TMEM245: variants seen among roughly 807,000 people sequenced by gnomAD.
TMEM245 encodes the protein protein CG-2.
In TMEM245, 69 loss-of-function variants were observed where a neutral mutation model predicts 101.2. That is an observed-to-expected ratio of 0.68 (90% CI 0.56 to 0.83). The LOEUF is 0.83. Ranked by LOEUF, TMEM245 falls within the 40% of genes least tolerant of loss-of-function variation. TMEM245 has a pLI of 0.00. For synonymous variants in TMEM245, 537 were observed against 449.8 expected, an observed-to-expected ratio of 1.19 and a Z score of -2.45; for missense variants, 1,075 against 1,092.8, an observed-to-expected ratio of 0.98 and a Z score of 0.23.
chr9:109,041,928 C>T (rs1460344172), intron 14 of TMEM245, among the ~76,000 whole-genome samples: 1 of 152,004 alleles, frequency 6.6e-6, no homozygotes, highest in Non-Finnish European at 1.5e-5. Context: ...CCCAGGAGTT[C>T]AAGACCAACC....
chr9:109,108,957 G>GA (rs904839912), intron 1 of TMEM245, among the ~76,000 whole-genome samples: 14 of 151,786 alleles, frequency 9.2e-5, no homozygotes, highest in African/African-American at 3.1e-4. Context: ...GGAAAGAAAA[G>GA]AAAAAAACAA....
At chr9:109,058,481 T>C (rs1828913403) in intron 11 of TMEM245, among the ~76,000 whole-genome samples, 1 of 152,104 alleles carries the variant, frequency 6.6e-6, no homozygotes, top group African/African-American at 2.4e-5. Context: ...TCTGTAATCC[T>C]ACCACTTTGG....
intron 8 of TMEM245, among the ~76,000 whole-genome samples, chr9:109,080,332 T>C (rs541604879): frequency 7.2e-5 from 11 of 151,884 alleles, no homozygotes; most frequent in African/African-American, 2.4e-4. Context: ...ACATTTTAGG[T>C]GTTCTTTAGA....
At chr9:109,029,045 G>A (rs78150522) in intron 17 of TMEM245, among the ~76,000 whole-genome samples, 268 of 152,116 alleles carry the variant, frequency 1.8e-3, no homozygotes, top group African/African-American at 6.2e-3. Context: ...CGCTAAAAAG[G>A]TACATTTTAC....
intron 10 of TMEM245, among the ~76,000 whole-genome samples, chr9:109,063,240 C>T (rs866573732): frequency 2.0e-5 from 3 of 151,804 alleles, no homozygotes; most frequent in Non-Finnish European, 2.9e-5. Flanking sequence ...CTGCCTCAGC[C>T]TCCTGAGTAG....
chr9:109,102,823 G>A (rs747458111), intron 3 of TMEM245, among the ~76,000 whole-genome samples: 3 of 152,084 alleles, frequency 2.0e-5, no homozygotes, highest in African/African-American at 4.8e-5. Context: ...GTTTATTATC[G>A]CCATCAGAAA....
chr9:109,093,398 C>A, intron 4 of TMEM245, 77 bp downstream of exon 4: 1 of 1,200,076 alleles, frequency 8.3e-7, no homozygotes, highest in Non-Finnish European at 1.2e-6. Flanking sequence ...TTTTGTGATG[C>A]TGGTGTCCTG....
At chr9:109,057,913 AGC>A (rs1828888669) in intron 11 of TMEM245, among the ~76,000 whole-genome samples, 1 of 146,052 alleles carries the variant, frequency 6.8e-6, no homozygotes, top group Non-Finnish European at 1.5e-5. Context: ...CACACTAAAC[AGC>A]ATTTACTTTC....
At chr9:109,060,201 C>A (rs1424256756) in intron 11 of TMEM245, among the ~76,000 whole-genome samples, 153 bp downstream of exon 11, 1 of 152,200 alleles carries the variant, frequency 6.6e-6, no homozygotes, top group Non-Finnish European at 1.5e-5. Context: ...ACCATCAACT[C>A]ACACTGACTT....
chr9:109,021,819 C>G (rs945419149), intron 17 of TMEM245, among the ~76,000 whole-genome samples: 3 of 151,754 alleles, frequency 2.0e-5, no homozygotes, highest in East Asian at 1.9e-4. Context: ...ACCACCCCCC[C>G]AAAAAAAGCA....
chr9:109,047,888 G>A (rs1828546989), intron 14 of TMEM245, among the ~76,000 whole-genome samples: 1 of 152,172 alleles, frequency 6.6e-6, no homozygotes, highest in Admixed American at 6.5e-5. Flanking sequence ...ACCCCACTGG[G>A]AAGATAAAAG....
chr9:109,085,808 G>A (rs1829815904), intron 7 of TMEM245, among the ~76,000 whole-genome samples, 189 bp downstream of exon 7: 1 of 152,316 alleles, frequency 6.6e-6, no homozygotes, highest in East Asian at 1.9e-4. Flanking sequence ...ATCCTAGACA[G>A]CCTTTGCTGA....
At position 109,108,432 on chromosome 9, in the gene TMEM245, AAAAAAAAAG is replaced by A. The variant is rs1405890764; in HGVS notation, c.697+12_697+20del. The stretch of plus-strand genomic sequence containing the variant: ...CTTAGGCTAGACTTAAAAAAAAAAA[AAAAAAAAAG>A]AAGGAACCCACCTAAATGAAAAAGC... On this transcript the variant is annotated intron_variant, in intron 2 of 17. Coordinates refer to ENST00000374586, the MANE Select transcript of TMEM245 (RefSeq NM_032012.4). The A allele has an allele frequency of 4.3e-6, 6 of 1,401,134 alleles. No individual in the cohort carries two copies. The highest frequency in any genetic ancestry group is 2.9e-5 in the African/African-American group (2 of 68,438). The allele number at this position is 1,401,134 out of a possible 1,614,324, so 86.8% of individuals were successfully genotyped here. A position where few individuals can be genotyped will look rare whatever the true frequency, so the allele number is the denominator to read the frequency against.
At chr9:109,090,895 C>G (rs761855285) in intron 5 of TMEM245, 27 bp downstream of exon 5, 4 of 1,593,834 alleles carry the variant, frequency 2.5e-6, no homozygotes, top group South Asian at 1.1e-5. Context: ...AAAGACAAGA[C>G]GAGATCGTAC....
At chr9:109,053,396 C>A (rs1828742661) in intron 12 of TMEM245, among the ~76,000 whole-genome samples, 1 of 152,084 alleles carries the variant, frequency 6.6e-6, no homozygotes, top group South Asian at 2.1e-4. Flanking sequence ...CACTGTACTC[C>A]AGACTGGATG....
chr9:109,049,794 T>C (rs1026652266), intron 14 of TMEM245, among the ~76,000 whole-genome samples: 5 of 152,044 alleles, frequency 3.3e-5, no homozygotes, highest in African/African-American at 1.2e-4. Flanking sequence ...ACCACTGCAA[T>C]CCATCTCCAA....
At chr9:109,096,407 G>C (rs955587154) in intron 3 of TMEM245, among the ~76,000 whole-genome samples, 2 of 152,192 alleles carry the variant, frequency 1.3e-5, no homozygotes, top group African/African-American at 4.8e-5. Flanking sequence ...AACCCAGGAG[G>C]CAGAGGTTGC....
intron 10 of TMEM245, among the ~76,000 whole-genome samples, chr9:109,061,817 C>T (rs1829022789): frequency 6.6e-6 from 1 of 152,128 alleles, no homozygotes; most frequent in Admixed American, 6.6e-5. Flanking sequence ...GATCTGCCCA[C>T]CTCAGCCTCC....
At position 109,057,260 on chromosome 9, in the gene TMEM245, C is replaced by T; in HGVS notation, c.1785G>A (p.Trp595Ter). 1 of 1,614,094 alleles carries T rather than the reference C, an allele frequency of 6.2e-7. No individual in the cohort carries two copies. Among genetic ancestry groups the T allele is most frequent in the Non-Finnish European group, 8.5e-7 (1 of 1,179,964 alleles). Residue 595 changes from tryptophan (W) to a stop codon, truncating the protein, a stop_gained, in exon 12 of 18, where the codon TGG becomes TGA. Transcript: ENST00000374586. LOFTEE classifies it high-confidence loss of function. ...QKLHVSRQNS[W>*]LGDILDWQDI... is the part of the protein sequence containing the mutation. Reference sequence around the variant, plus strand: ...CCTGCCAGTCCAGAATGTCTCCCAGCCAGCTATTCTGACGACTGACATGCA... The same window carrying T: ...CCTGCCAGTCCAGAATGTCTCCCAGTCAGCTATTCTGACGACTGACATGCA...
Sources: gnomAD v4.1 joint callset for allele counts (sites outside exome capture counted in the v4.1 genomes callset) on GRCh38, gnomAD v4.1.1 for gene constraint, MANE v1.5 for transcripts, NCBI Gene and HGNC (gene_info 2026-07-23, HGNC 2026-07-21) for gene names.